Variants in CHKA observed in about 807,000 individuals in gnomAD.
CHKA encodes the protein CHETK-alpha.
A neutral mutation model predicts 60.1 loss-of-function variants in CHKA; 34 were observed. The observed-to-expected ratio is 0.57, with a 90% CI of 0.43 to 0.75. CHKA has a LOEUF of 0.75. CHKA is among the 30% of genes least tolerant of loss of function. The pLI is 0.00. For synonymous variants in CHKA, 217 were observed against 223.1 expected, an observed-to-expected ratio of 0.97 and a Z score of 0.24; for missense variants, 563 against 561.3, an observed-to-expected ratio of 1.00 and a Z score of -0.03.
chr11:68,082,585 T>A (rs1857020383), intron 2 of CHKA: 1 of 152,614 alleles, frequency 6.6e-6, no homozygotes, highest in Non-Finnish European at 1.5e-5. Context: ...CCAGCTACTC[T>A]AGCACCAATC....
intron 1 of CHKA, among the ~76,000 whole-genome samples, chr11:68,111,714 T>G (rs1304236325): frequency 1.3e-5 from 2 of 152,000 alleles, no homozygotes; most frequent in African/African-American, 2.4e-5. Flanking sequence ...GGCAATACAA[T>G]GTAACAAATG....
At position 68,061,943 on chromosome 11, in the gene CHKA, TA is replaced by T. The variant is rs1856264794; in HGVS notation, c.1314+9del. ...AGAAAAAAAAAAACAAAAACGCTGCTAAAACATACCATGTACCCAAATTCAA... is the reference window on the plus strand; with the variant it reads ...AGAAAAAAAAAAACAAAAACGCTGCTAAACATACCATGTACCCAAATTCAA... On this transcript the variant is annotated intron_variant, in intron 11 of 11. Transcript: ENST00000265689. 2.6e-6 allele frequency: 4 copies of T among 1,558,874 alleles called. No homozygotes were observed. In the South Asian group the frequency reaches 3.6e-5, roughly 14 times the overall value.
intron 4 of CHKA, among the ~76,000 whole-genome samples, chr11:68,071,269 C>T (rs192917255): frequency 1.6e-3 from 245 of 152,320 alleles, no homozygotes; most frequent in African/African-American, 5.4e-3. Flanking sequence ...ACATTCTACT[C>T]TGATGTGTTG....
At chr11:68,113,506 T>C (rs1017459511) in intron 1 of CHKA, among the ~76,000 whole-genome samples, 1 of 147,090 alleles carries the variant, frequency 6.8e-6, no homozygotes, top group African/African-American at 2.5e-5. Flanking sequence ...GACCAGCCTG[T>C]CCAACACAGT....
chr11:68,056,884 CCT>C (rs1448027724), intron 11 of CHKA, among the ~76,000 whole-genome samples: 2 of 152,118 alleles, frequency 1.3e-5, no homozygotes, highest in Non-Finnish European at 2.9e-5. Flanking sequence ...TACGTGTTTC[CCT>C]GAGTTCTGTG....
At chr11:68,101,310 A>C (rs973725057) in intron 1 of CHKA, among the ~76,000 whole-genome samples, 1 of 152,188 alleles carries the variant, frequency 6.6e-6, no homozygotes. Flanking sequence ...GCTTCTCTTG[A>C]TAGCCAGAAA....
intron 1 of CHKA, among the ~76,000 whole-genome samples, chr11:68,120,337 G>A (rs956257576): frequency 6.6e-6 from 1 of 152,174 alleles, no homozygotes; most frequent in Non-Finnish European, 1.5e-5. Context: ...CTTAGGGGAT[G>A]AGAAAATGCT....
At chr11:68,091,556 C>G (rs1348668328) in intron 2 of CHKA, among the ~76,000 whole-genome samples, 1 of 152,158 alleles carries the variant, frequency 6.6e-6, no homozygotes, top group Admixed American at 6.5e-5. Context: ...AGTTTGTTTC[C>G]GTCTCATCTT....
At chr11:68,076,805 A>G (rs1261987355) in intron 3 of CHKA, among the ~76,000 whole-genome samples, 2 of 152,222 alleles carry the variant, frequency 1.3e-5, no homozygotes, top group Non-Finnish European at 1.5e-5. Flanking sequence ...AAGAGATGTA[A>G]GAACTTTCCA....
intron 3 of CHKA, among the ~76,000 whole-genome samples, chr11:68,080,139 G>A (rs2134586903): frequency 6.6e-6 from 1 of 152,286 alleles, no homozygotes; most frequent in Admixed American, 6.5e-5. Flanking sequence ...TGCACAAAGG[G>A]CTTGGAATGG....
chr11:68,067,822 G>C (rs998542852), intron 7 of CHKA, among the ~76,000 whole-genome samples: 1 of 152,176 alleles, frequency 6.6e-6, no homozygotes, highest in Non-Finnish European at 1.5e-5. Flanking sequence ...GTTAGCCAGC[G>C]ATGAGCAGCT....
chr11:68,082,970 G>A (rs1401615858), intron 2 of CHKA, among the ~76,000 whole-genome samples: 1 of 152,208 alleles, frequency 6.6e-6, no homozygotes, highest in African/African-American at 2.4e-5. Flanking sequence ...GGTTTGATGT[G>A]CGATGTGGTA....
intron 1 of CHKA, among the ~76,000 whole-genome samples, chr11:68,118,473 G>C (rs1394177375): frequency 6.6e-6 from 1 of 152,048 alleles, no homozygotes; most frequent in Non-Finnish European, 1.5e-5. Flanking sequence ...ATCAGATTGG[G>C]AAATGTCAGT....
chr11:68,056,418 G>C (rs1052013577), intron 11 of CHKA, among the ~76,000 whole-genome samples: 2 of 152,188 alleles, frequency 1.3e-5, no homozygotes, highest in African/African-American at 4.8e-5. Context: ...CCTGGGATAA[G>C]GAATGCTGTA....
intron 1 of CHKA, 41 bp downstream of exon 1, chr11:68,120,787 C>T: frequency 9.2e-7 from 1 of 1,088,914 alleles, no homozygotes; most frequent in Non-Finnish European, 1.2e-6. Flanking sequence ...CGCCCCGCGT[C>T]ACCTGACTGT....
chr11:68,069,036 G>A (rs1856532774), intron 6 of CHKA, 99 bp from the exon 7 acceptor site: 2 of 813,436 alleles, frequency 2.5e-6, no homozygotes, highest in East Asian at 2.6e-5. Context: ...GTGCTCCAAA[G>A]CAACACACAG....
At chr11:68,105,514 C>CAAAAAAA (rs1170085830) in intron 1 of CHKA, among the ~76,000 whole-genome samples, 31 of 64,952 alleles carry the variant, frequency 4.8e-4, no homozygotes, top group African/African-American at 1.6e-3. Flanking sequence ...GACTCCATCT[C>CAAAAAAA]AAAAAAAAAA....
intron 1 of CHKA, among the ~76,000 whole-genome samples, chr11:68,118,441 C>CA (rs545129740): frequency 3.2e-4 from 48 of 148,816 alleles, no homozygotes; most frequent in South Asian, 6.4e-4. Flanking sequence ...ACCCTGTCTC[C>CA]AAAAAAAAAC....
chr11:68,080,815 C>A (rs1856962990), intron 3 of CHKA, among the ~76,000 whole-genome samples: 3 of 152,250 alleles, frequency 2.0e-5, no homozygotes, highest in Non-Finnish European at 2.9e-5. Flanking sequence ...CTGGGGCATG[C>A]AGACCAACAC....
Sources: allele counts gnomAD v4.1 joint callset (sites outside exome capture counted in the v4.1 genomes callset), GRCh38; gene constraint gnomAD v4.1.1; transcripts MANE v1.5; gene names NCBI Gene and HGNC (gene_info 2026-07-23, HGNC 2026-07-21).